RGS6: variants seen among roughly 807,000 people sequenced by gnomAD.
RGS6 encodes the protein regulator of G-protein signaling 6.
A neutral mutation model predicts 78.5 loss-of-function variants in RGS6; 30 were observed. That is an observed-to-expected ratio of 0.38 (90% CI 0.29 to 0.52). The LOEUF is 0.52. Ranked by LOEUF, RGS6 falls within the 20% of genes least tolerant of loss-of-function variation. The probability of loss-of-function intolerance (pLI) is 0.85; values close to 1 mark genes in which losing one functional copy is unlikely to be tolerated. For synonymous variants in RGS6, 206 were observed against 206.0 expected (o/e 1.00, Z 0.00); for missense variants, 495 against 609.7 (o/e 0.81, Z 1.98).
intron 2 of RGS6, among the ~76,000 whole-genome samples, chr14:72,052,983 T>TTC (rs372866325): frequency 3.2e-4 from 27 of 85,628 alleles, no homozygotes; most frequent in African/African-American, 1.4e-3. Context: ...CTTTCTTTCT[T>TTC]TCTCTCTCTC....
intron 2 of RGS6, among the ~76,000 whole-genome samples, chr14:72,010,845 T>C (rs945322158): frequency 2.0e-5 from 3 of 152,220 alleles, no homozygotes; most frequent in Non-Finnish European, 4.4e-5. Flanking sequence ...TTTTCTCTAT[T>C]GTTCTGTTTT....
In RGS6 at chr14:72,465,805, C is replaced by T. The variant is rs1433792700; in HGVS notation, c.442C>T (p.Leu148=). ...AATGCAAAATAAAGCAAGGCTGGAA[C>T]TGGCAGATTATGAAGCAGTAAGTAT... is the stretch of plus-strand genomic sequence containing the variant. ...RTMQNKARLE[L]ADYEAENLAR... Residue 148 remains leucine (L), a synonymous_variant, in exon 7 of 18, where the codon CTG becomes TTG. Coordinates refer to ENST00000553525, the MANE Select transcript of RGS6 (RefSeq NM_001204424.2). The T allele has an allele frequency of 8.1e-6, 13 of 1,613,560 alleles. No individual in the cohort carries two copies. The highest frequency in any genetic ancestry group is 1.1e-5 in the Non-Finnish European group (13 of 1,179,484).
At chr14:72,201,459 C>A (rs1327565813) in intron 2 of RGS6, among the ~76,000 whole-genome samples, 3 of 152,104 alleles carry the variant, frequency 2.0e-5, no homozygotes, top group Non-Finnish European at 4.4e-5. Flanking sequence ...AGAATTATAT[C>A]CCCCTCATTG....
intron 2 of RGS6, among the ~76,000 whole-genome samples, chr14:72,164,584 G>C (rs577247143): frequency 2.6e-5 from 4 of 152,166 alleles, no homozygotes; most frequent in Non-Finnish European, 4.4e-5. Context: ...TTTATAATGA[G>C]GAAATGAAAC....
At chr14:72,532,690 G>A (rs2097197947) in intron 15 of RGS6, among the ~76,000 whole-genome samples, 1 of 152,196 alleles carries the variant, frequency 6.6e-6, no homozygotes, top group Non-Finnish European at 1.5e-5. Context: ...CCTTATTGCT[G>A]ATATGGAGAC....
chr14:72,186,290 T>C (rs1425174516), intron 2 of RGS6, among the ~76,000 whole-genome samples: 1 of 152,232 alleles, frequency 6.6e-6, no homozygotes, highest in African/African-American at 2.4e-5. Flanking sequence ...CTAAGTGTAT[T>C]TTGCTGGGCA....
At chr14:71,944,965 A>G (rs2091285044) in intron 1 of RGS6, among the ~76,000 whole-genome samples, 1 of 152,178 alleles carries the variant, frequency 6.6e-6, no homozygotes, top group Non-Finnish European at 1.5e-5. Context: ...TTTTGTACTT[A>G]AATATATCTA....
At chr14:72,236,711 C>T (rs1009578283) in intron 2 of RGS6, among the ~76,000 whole-genome samples, 3 of 151,660 alleles carry the variant, frequency 2.0e-5, no homozygotes, top group Admixed American at 6.6e-5. Flanking sequence ...ACTTCCCACA[C>T]GGTGAGGGGG....
intron 2 of RGS6, among the ~76,000 whole-genome samples, chr14:71,977,863 AT>A (rs1366805840): frequency 3.9e-5 from 6 of 152,102 alleles, no homozygotes; most frequent in Non-Finnish European, 8.8e-5. Context: ...CAGTATGGCC[AT>A]TTTCACGATA....
the RGS6 span, among the ~76,000 whole-genome samples, chr14:71,871,428 C>T: frequency 9.2e-5 from 14 of 152,152 alleles, no homozygotes; most frequent in Admixed American, 6.5e-4. Context: ...TCTTTCCTCT[C>T]GTCTCTGAGG....
At chr14:72,397,011 T>A (rs2091455272) in intron 3 of RGS6, among the ~76,000 whole-genome samples, 1 of 152,246 alleles carries the variant, frequency 6.6e-6, no homozygotes, top group Non-Finnish European at 1.5e-5. Context: ...TGGCTTAGGA[T>A]TGACTTGGCA....
In RGS6 at chr14:71,948,968, T is replaced by G. The variant is rs530372032; in HGVS notation, c.-20-15804T>G. Among the ~76,000 whole-genome samples the G allele has an allele frequency of 9.4e-4, 143 of 152,256 alleles. 1 individual carries two copies. The highest frequency in any genetic ancestry group is 3.3e-3 in the African/African-American group (136 of 41,544). ...TCTTTCTAGATCCTTATGCACAACA[T>G]TGTTTGTGAAATTCATCTATGTTGC... On this transcript the variant is annotated intron_variant, in intron 1 of 17. Transcript: ENST00000553525.
chr14:72,123,770 C>G (rs2096118652), intron 2 of RGS6, among the ~76,000 whole-genome samples: 1 of 152,172 alleles, frequency 6.6e-6, no homozygotes, highest in African/African-American at 2.4e-5. Flanking sequence ...TTATGGAAAG[C>G]AAGAGTGGTA....
intron 2 of RGS6, among the ~76,000 whole-genome samples, chr14:72,253,108 G>A (rs530892622): frequency 4.6e-5 from 7 of 152,372 alleles, no homozygotes; most frequent in African/African-American, 1.7e-4. Flanking sequence ...GCTTGGCCAT[G>A]TGACTTGCTT....
intron 3 of RGS6, among the ~76,000 whole-genome samples, chr14:72,394,016 G>C (rs1295016903): frequency 3.3e-5 from 5 of 152,214 alleles, no homozygotes. Flanking sequence ...GAGGGAGCAT[G>C]TGTAAGCTAA....
chr14:72,157,315 A>G (rs1478948665), intron 2 of RGS6, among the ~76,000 whole-genome samples: 2 of 152,162 alleles, frequency 1.3e-5, no homozygotes, highest in Non-Finnish European at 2.9e-5. Flanking sequence ...TGTCTGGCCA[A>G]TGGAAACGGG....
chr14:72,084,684 C>A (rs974290131), intron 2 of RGS6, among the ~76,000 whole-genome samples: 1 of 151,946 alleles, frequency 6.6e-6, no homozygotes, highest in Non-Finnish European at 1.5e-5. Context: ...ATGGGAAGTG[C>A]ATCAGGTGAA....
intron 1 of RGS6, among the ~76,000 whole-genome samples, chr14:71,947,462 A>G (rs964177373): frequency 2.6e-5 from 4 of 152,106 alleles, no homozygotes; most frequent in African/African-American, 9.7e-5. Flanking sequence ...CTTAAAAAAA[A>G]TCTGTTTCTA....
intron 13 of RGS6, among the ~76,000 whole-genome samples, chr14:72,503,356 A>G (rs994456715): frequency 6.6e-6 from 1 of 152,190 alleles, no homozygotes; most frequent in Non-Finnish European, 1.5e-5. Flanking sequence ...CATTCATTCC[A>G]TCTCAGTAGT....
Sources: gnomAD v4.1 joint callset for allele counts (sites outside exome capture counted in the v4.1 genomes callset) on GRCh38, gnomAD v4.1.1 for gene constraint, MANE v1.5 for transcripts, NCBI Gene and HGNC (gene_info 2026-07-23, HGNC 2026-07-21) for gene names.